Variants in CREB5 observed in about 807,000 individuals in gnomAD.
CREB5 encodes cAMP responsive element binding protein 5.
CREB5 carries 19 observed loss-of-function variants against 57.1 expected under a neutral mutation model. That is an observed-to-expected ratio of 0.33 (90% CI 0.23 to 0.49). The LOEUF is 0.49. Ranked by LOEUF, CREB5 falls within the 20% of genes least tolerant of loss-of-function variation. The pLI is 0.99. For missense variants in CREB5, 579 were observed against 671.6 expected, an observed-to-expected ratio of 0.86 and a Z score of 1.52; for synonymous variants, 238 against 238.3, an observed-to-expected ratio of 1.00 and a Z score of 0.01.
chr7:28,424,229 A>C (rs776264270), intron 1 of CREB5, among the ~76,000 whole-genome samples: 2 of 152,248 alleles, frequency 1.3e-5, no homozygotes, highest in Non-Finnish European at 2.9e-5. Flanking sequence ...CTTCAAAGAA[A>C]GTCCCTTTCT....
rs1554317254 is a variant in CREB5, at chr7:28,420,824, A to AAT, written c.3+7908_3+7909insTA. ...CTCCATCTCAAAAAAAAAAAAAAAA[A>AAT]AAAAAGGTTAGGGTGGCAAGTTTTA... On this transcript the variant is annotated intron_variant, in intron 1 of 10. Coordinates refer to ENST00000357727, the MANE Select transcript of CREB5 (RefSeq NM_182898.4). 1.8e-3 allele frequency among the ~76,000 whole-genome samples: 273 copies of AAT among 150,378 alleles called. 2 individuals carry two copies. The highest frequency in any genetic ancestry group is 6.6e-3 in the African/African-American group (266 of 40,052).
chr7:28,784,187 G>C (rs1308881032), intron 7 of CREB5, among the ~76,000 whole-genome samples: 8 of 152,204 alleles, frequency 5.3e-5, no homozygotes, highest in Non-Finnish European at 1.2e-4. Flanking sequence ...CAGCTCGTGG[G>C]ACACTTCAAG....
At chr7:28,434,396 T>G (rs1200831862) in intron 1 of CREB5, among the ~76,000 whole-genome samples, 1 of 152,202 alleles carries the variant, frequency 6.6e-6, no homozygotes, top group African/African-American at 2.4e-5. Context: ...ATCCAGTTAT[T>G]TGTAAACTTT....
chr7:28,438,236 A>T (rs1259266282), intron 1 of CREB5, among the ~76,000 whole-genome samples: 5 of 152,178 alleles, frequency 3.3e-5, no homozygotes, highest in Non-Finnish European at 4.4e-5. Flanking sequence ...TTTAACATGT[A>T]GATGACCTTA....
intron 4 of CREB5, among the ~76,000 whole-genome samples, chr7:28,559,272 A>T (rs1794986342): frequency 6.6e-6 from 1 of 152,108 alleles, no homozygotes; most frequent in Non-Finnish European, 1.5e-5. Flanking sequence ...CTGCGTGTTG[A>T]TATGACTTAG....
intron 4 of CREB5, among the ~76,000 whole-genome samples, chr7:28,547,447 A>G (rs1239940341): frequency 1.3e-5 from 2 of 152,206 alleles, no homozygotes; most frequent in South Asian, 4.1e-4. Flanking sequence ...ACTCAGGTAA[A>G]GTTTCTATGT....
Position 28,463,988 on chromosome 7 carries a change from T to TA in CREB5, c.4-24186dup, listed in dbSNP as rs200486335. Among the ~76,000 whole-genome samples the TA allele has an allele frequency of 6.4e-3, 969 of 152,344 alleles. 37 individuals are homozygous for TA. Among genetic ancestry groups the TA allele is most frequent in the Admixed American group, 0.055 (839 of 15,302 alleles). On this transcript the variant is annotated intron_variant, in intron 1 of 10. Coordinates refer to ENST00000357727, the MANE Select transcript of CREB5 (RefSeq NM_182898.4). ...GTAGTGAGAGCTAATATCTTTCTCT[T>TA]ATTCCTGAACCTAAGTGTAAAACAT...
intron 5 of CREB5, among the ~76,000 whole-genome samples, chr7:28,645,681 A>T (rs977765342): frequency 3.9e-5 from 6 of 152,234 alleles, no homozygotes; most frequent in Non-Finnish European, 8.8e-5. Flanking sequence ...AGATAAATGG[A>T]TCTGCAAATG....
At chr7:28,645,731 A>G (rs924448368) in intron 5 of CREB5, among the ~76,000 whole-genome samples, 17 of 152,322 alleles carry the variant, frequency 1.1e-4, no homozygotes, top group African/African-American at 4.1e-4. Context: ...TTGCCAGTGT[A>G]TTCTTTAATT....
chr7:28,546,353 C>T lies in CREB5; in HGVS notation c.292-24012C>T, dbSNP rs1360710408. Among the ~76,000 whole-genome samples the T allele has an allele frequency of 3.9e-5, 6 of 152,168 alleles. No individual in the cohort carries two copies. The East Asian group carries it at 1.2e-3, about 29-fold the overall frequency. On this transcript the variant is annotated intron_variant, in intron 4 of 10. Coordinates refer to ENST00000357727, the MANE Select transcript of CREB5 (RefSeq NM_182898.4). ...TTATGAATAATGCTGATAGGAACAT[C>T]TGTGTACACATTTTTGTATGGACAT...
At chr7:28,815,807 G>T (rs1809405644) in intron 9 of CREB5, among the ~76,000 whole-genome samples, 2 of 152,122 alleles carry the variant, frequency 1.3e-5, no homozygotes, top group African/African-American at 4.8e-5. Flanking sequence ...TCTTCCAAAA[G>T]TATAAGAAAG....
intron 1 of CREB5, among the ~76,000 whole-genome samples, chr7:28,424,111 C>T (rs745368766): frequency 1.2e-4 from 19 of 152,200 alleles, no homozygotes; most frequent in Non-Finnish European, 1.9e-4. Context: ...GTCTTCCCTT[C>T]GCATATCTGT....
chr7:28,818,594 A>C (rs919807926), intron 10 of CREB5, among the ~76,000 whole-genome samples: 6 of 152,204 alleles, frequency 3.9e-5, no homozygotes, highest in Admixed American at 3.3e-4. Flanking sequence ...ACTGGGCTGA[A>C]AAGCTAGTGA....
intron 4 of CREB5, among the ~76,000 whole-genome samples, chr7:28,560,845 C>CGTGTGT (rs1396686194): frequency 4.8e-5 from 2 of 41,364 alleles, no homozygotes; most frequent in East Asian, 9.6e-4. Flanking sequence ...TGTGTGTGTG[C>CGTGTGT]GCGTGTGTGT....
chr7:28,595,046 C>G (rs997131016), intron 5 of CREB5, among the ~76,000 whole-genome samples: 2 of 152,128 alleles, frequency 1.3e-5, no homozygotes, highest in Non-Finnish European at 2.9e-5. Flanking sequence ...CCTCCCACTC[C>G]CTGAGCCCCC....
chr7:28,693,057 A>G (rs1801356584), intron 5 of CREB5, among the ~76,000 whole-genome samples: 1 of 152,250 alleles, frequency 6.6e-6, no homozygotes, highest in South Asian at 2.1e-4. Flanking sequence ...CAGTAGTTAG[A>G]CAATAGCCAA....
intron 5 of CREB5, among the ~76,000 whole-genome samples, chr7:28,584,341 A>T (rs555221947): frequency 6.6e-6 from 1 of 152,312 alleles, no homozygotes; most frequent in East Asian, 1.9e-4. Flanking sequence ...ATGGGACCTG[A>T]TTTGGAAATA....
At chr7:28,553,902 G>C (rs1794766433) in intron 4 of CREB5, among the ~76,000 whole-genome samples, 1 of 152,120 alleles carries the variant, frequency 6.6e-6, no homozygotes, top group Non-Finnish European at 1.5e-5. Flanking sequence ...GGGAGGTTGA[G>C]AGGACCCTAA....
chr7:28,801,000 T>G (rs1332857956), intron 7 of CREB5, among the ~76,000 whole-genome samples: 3 of 152,226 alleles, frequency 2.0e-5, no homozygotes, highest in Non-Finnish European at 4.4e-5. Flanking sequence ...GAGGATTAGG[T>G]AGCTTGATAC....
Sources: allele counts gnomAD v4.1 joint callset (sites outside exome capture counted in the v4.1 genomes callset), GRCh38; gene constraint gnomAD v4.1.1; transcripts MANE v1.5; gene names NCBI Gene and HGNC (gene_info 2026-07-23, HGNC 2026-07-21).